ANO3: variants seen among roughly 807,000 people sequenced by gnomAD.
ANO3 encodes the protein anoctamin-3.
A neutral mutation model predicts 144.8 loss-of-function variants in ANO3; 99 were observed. That is an observed-to-expected ratio of 0.68 (90% CI 0.58 to 0.81). The LOEUF is 0.81. Among genes scored for constraint, ANO3 ranks in the 30% least tolerant of loss-of-function variants. The probability of loss-of-function intolerance (pLI) is 0.00; values close to 1 mark genes in which losing one functional copy is unlikely to be tolerated. For missense variants in ANO3, 905 were observed against 1,202.2 expected, an observed-to-expected ratio of 0.75 and a Z score of 3.66; for synonymous variants, 414 against 392.6, an observed-to-expected ratio of 1.05 and a Z score of -0.64.
At chr11:26,482,426 A>ATGTGTGTGTG in intron 4 of ANO3, among the ~76,000 whole-genome samples, 1 of 141,114 alleles carries the variant, frequency 7.1e-6, no homozygotes, top group South Asian at 2.4e-4. Flanking sequence ...ACACAGATAT[A>ATGTGTGTGTG]TGTGTGTGTG....
intron 14 of ANO3, among the ~76,000 whole-genome samples, chr11:26,585,512 G>C (rs2131692): frequency 6.6e-6 from 1 of 151,736 alleles, no homozygotes; most frequent in African/African-American, 2.4e-5. Flanking sequence ...TTGAGCCATT[G>C]TTCCTTTGCT....
upstream of ANO3, among the ~76,000 whole-genome samples, chr11:26,330,269 AC>A (rs1855003205): frequency 6.6e-6 from 1 of 152,116 alleles, no homozygotes; most frequent in Admixed American, 6.6e-5. Context: ...CTCTGGATGA[AC>A]AAAATTTAAA....
In ANO3 at chr11:26,490,166, C is replaced by T. The variant is rs373404081; in HGVS notation, c.433-17938C>T. On this transcript the variant is annotated intron_variant, in intron 4 of 26. Transcript: ENST00000256737. ...GGGGGCTGGTTTTTCCTGTGCTATTCTTGTGATAGTGAATAAGTCTCGTGA... is the reference window on the plus strand; with the variant it reads ...GGGGGCTGGTTTTTCCTGTGCTATTTTTGTGATAGTGAATAAGTCTCGTGA... Among the ~76,000 whole-genome samples, 15 of 152,252 alleles carry T rather than the reference C, an allele frequency of 9.9e-5. No homozygotes were observed. The South Asian group carries it at 2.1e-3, about 21-fold the overall frequency.
Position 26,662,678 on chromosome 11 carries a change from T to C in ANO3, c.*2234T>C, listed in dbSNP as rs1459861619. On this transcript the variant is annotated 3_prime_UTR_variant, in exon 27 of 27. Coordinates refer to ENST00000256737, the MANE Select transcript of ANO3 (RefSeq NM_031418.4). ...ATTTTAATTTAAAAATTGTAATACATTGATTTATAAAATGCCTTCTCTGAT... is the reference window on the plus strand; with the variant it reads ...ATTTTAATTTAAAAATTGTAATACACTGATTTATAAAATGCCTTCTCTGAT... 2 of 152,038 alleles carry C rather than the reference T, an allele frequency of 1.3e-5. No homozygotes were observed. Among genetic ancestry groups the C allele is most frequent in the East Asian group, 3.9e-4 (2 of 5,190 alleles). The allele number at this position is 152,038 out of a possible 1,614,324, so 9.4% of individuals were successfully genotyped here. A position where few individuals can be genotyped will look rare whatever the true frequency, so the allele number is the denominator to read the frequency against.
intron 17 of ANO3, among the ~76,000 whole-genome samples, chr11:26,601,665 T>A (rs1851803465): frequency 6.6e-6 from 1 of 152,240 alleles, no homozygotes; most frequent in Non-Finnish European, 1.5e-5. Flanking sequence ...CTGTAGATTT[T>A]TATATTTTTG....
intron 1 of ANO3, among the ~76,000 whole-genome samples, chr11:26,229,987 G>A (rs1852354458): frequency 6.6e-6 from 1 of 152,116 alleles, no homozygotes; most frequent in Non-Finnish European, 1.5e-5. Context: ...TCTGTGTCAG[G>A]ATCAGAGCCT....
chr11:26,477,565 A>G lies in ANO3; in HGVS notation c.432+14417A>G, dbSNP rs868552246. Reference sequence around the variant, plus strand: ...CACAAATCACACAAATTGCAATTACATGTCCTCTTATCTGTCTCCTTAACT... The same window carrying G: ...CACAAATCACACAAATTGCAATTACGTGTCCTCTTATCTGTCTCCTTAACT... On this transcript the variant is annotated intron_variant, in intron 4 of 26. Transcript: ENST00000256737. Among the ~76,000 whole-genome samples the G allele has an allele frequency of 3.3e-5, 5 of 152,202 alleles. No individual in the cohort carries two copies. The South Asian group carries it at 6.2e-4, about 19-fold the overall frequency.
chr11:26,365,754 C>T (rs75833991), intron 1 of ANO3, among the ~76,000 whole-genome samples: 10,757 of 151,996 alleles, frequency 0.071, 672 homozygotes, highest in African/African-American at 0.17. Context: ...TAACCTGGCT[C>T]CTAAACTCAT....
intron 1 of ANO3, among the ~76,000 whole-genome samples, chr11:26,385,635 C>G (rs1043638600): frequency 6.6e-6 from 1 of 152,034 alleles, no homozygotes; most frequent in African/African-American, 2.4e-5. Flanking sequence ...TGTGACTCTG[C>G]CTATTAATGG....
intron 1 of ANO3, among the ~76,000 whole-genome samples, chr11:26,404,411 T>C (rs992540751): frequency 1.8e-4 from 28 of 151,854 alleles, no homozygotes; most frequent in African/African-American, 6.8e-4. Context: ...TACTGCTTCC[T>C]GAGACAAATT....
At chr11:26,214,218 A>T (rs892667553) in intron 1 of ANO3, among the ~76,000 whole-genome samples, 4 of 151,986 alleles carry the variant, frequency 2.6e-5, no homozygotes, top group Admixed American at 2.6e-4. Context: ...TAAACCACAT[A>T]AGGATACATA....
At chr11:26,298,735 A>G (rs895808421) in intron 1 of ANO3, among the ~76,000 whole-genome samples, 36 of 152,190 alleles carry the variant, frequency 2.4e-4, no homozygotes, top group African/African-American at 7.7e-4. Context: ...GAGATGTACA[A>G]TAGATGGTGG....
intron 1 of ANO3, among the ~76,000 whole-genome samples, chr11:26,320,207 T>C (rs1854725353): frequency 6.6e-6 from 1 of 152,214 alleles, no homozygotes; most frequent in Admixed American, 6.5e-5. Flanking sequence ...AACTAGAATC[T>C]ATCTTCCTCT....
rs530289392 is a variant in ANO3, at chr11:26,372,449, C to A, written c.46+40128C>A. Among the ~76,000 whole-genome samples, 9 of 152,276 alleles carry A rather than the reference C, an allele frequency of 5.9e-5. No individual in the cohort carries two copies. In the East Asian group the frequency reaches 1.5e-3, roughly 26 times the overall value. ...GTCCATTTCATAATGAAAAGTCAGA[C>A]CTATGTAAATTAACCTAAACGAAGA... On this transcript the variant is annotated intron_variant, in intron 1 of 26. Transcript: ENST00000256737.
rs780946947 is a variant in ANO3 at position 26,598,921 on chromosome 11, G to A, written c.1594G>A (p.Gly532Arg). Residue 532 changes from glycine (G) to arginine (R), a missense_variant, in exon 16 of 27, where the codon GGA becomes AGA. Gly to Arg is a moderately radical substitution (Grantham distance 125). Coordinates refer to ENST00000256737, the MANE Select transcript of ANO3 (RefSeq NM_031418.4). ...GATGGAGATTGTAAATCCCATCACG[G>A]GAAAACCTGAACCACATCAGCCTTC... ...YKMEIVNPIT[G>R]KPEPHQPSSD... The A allele has an allele frequency of 1.2e-6, 2 of 1,613,892 alleles. No individual in the cohort carries two copies. The highest frequency in any genetic ancestry group is 1.1e-5 in the South Asian group (1 of 91,054).
intron 1 of ANO3, among the ~76,000 whole-genome samples, chr11:26,316,630 C>T (rs1466482859): frequency 1.3e-5 from 2 of 151,992 alleles, no homozygotes; most frequent in East Asian, 3.9e-4. Context: ...ATGTCTTAAC[C>T]CTAAAGAGAC....
chr11:26,265,647 C>T (rs570835191), intron 1 of ANO3, among the ~76,000 whole-genome samples: 1 of 152,280 alleles, frequency 6.6e-6, no homozygotes, highest in South Asian at 2.1e-4. Flanking sequence ...ATCCTATAGA[C>T]AAGTAGAATT....
intron 1 of ANO3, among the ~76,000 whole-genome samples, chr11:26,424,032 T>C (rs1020578781): frequency 2.0e-5 from 3 of 151,948 alleles, no homozygotes; most frequent in African/African-American, 7.2e-5. Context: ...GCATAAGACA[T>C]ATGAATTTGT....
chr11:26,323,908 A>G (rs897696051), intron 1 of ANO3, among the ~76,000 whole-genome samples: 2 of 152,130 alleles, frequency 1.3e-5, no homozygotes, highest in East Asian at 1.9e-4. Context: ...GCTCTGTGAT[A>G]CTCTTGAAAA....
Sources: allele counts gnomAD v4.1 joint callset (sites outside exome capture counted in the v4.1 genomes callset), GRCh38; gene constraint gnomAD v4.1.1; transcripts MANE v1.5; gene names NCBI Gene and HGNC (gene_info 2026-07-23, HGNC 2026-07-21).